Variants in PCSK5 observed in about 807,000 individuals in gnomAD.
The protein encoded by PCSK5 is prohormone convertase 5.
In PCSK5, 129 loss-of-function variants were observed where a neutral mutation model predicts 233.2. That is an observed-to-expected ratio of 0.55 (90% CI 0.48 to 0.64). The LOEUF (loss-of-function observed/expected upper bound fraction) is 0.64, where lower values mean the gene tolerates loss of function less well. Among genes scored for constraint, PCSK5 ranks in the 30% least tolerant of loss-of-function variants. The pLI is 0.00. For synonymous variants in PCSK5, 825 were observed against 879.2 expected (o/e 0.94, Z 1.09); for missense variants, 2,076 against 2,430.1 (o/e 0.85, Z 3.06).
intron 5 of PCSK5, among the ~76,000 whole-genome samples, chr9:76,038,362 A>C (rs554679462): frequency 6.6e-6 from 1 of 152,048 alleles, no homozygotes; most frequent in African/African-American, 2.4e-5. Context: ...CGGTCTTGGG[A>C]CCCGTTCATT....
In PCSK5 at chr9:76,024,894, G is replaced by A. The variant is rs192451302; in HGVS notation, c.555+1013G>A. The stretch of plus-strand genomic sequence containing the variant: ...AGGCAAACAAGCAAATCCAACTTTG[G>A]TTTTGGAGATACTGTTTCTTCATAT... On this transcript the variant is annotated intron_variant, in intron 4 of 37. Coordinates refer to ENST00000674117, the MANE Select transcript of PCSK5 (RefSeq NM_001372043.1). Among the ~76,000 whole-genome samples the A allele has an allele frequency of 1.3e-4, 20 of 152,248 alleles. No individual in the cohort carries two copies. The East Asian group carries it at 3.9e-3, about 29-fold the overall frequency.
At chr9:75,916,184 A>G (rs1412017192) in intron 1 of PCSK5, among the ~76,000 whole-genome samples, 2 of 152,224 alleles carry the variant, frequency 1.3e-5, no homozygotes, top group African/African-American at 4.8e-5. Context: ...AATTGAAAAT[A>G]TGACTCCAAG....
At chr9:76,200,562 C>G (rs1429684962) in intron 20 of PCSK5, among the ~76,000 whole-genome samples, 1 of 152,120 alleles carries the variant, frequency 6.6e-6, no homozygotes. Flanking sequence ...ACATGCCTTG[C>G]TTAAGAAATA....
Position 75,994,727 on chromosome 9 carries a change from T to C in PCSK5, c.411+8482T>C, listed in dbSNP as rs563206659. Among the ~76,000 whole-genome samples, 46 of 152,110 alleles carry C rather than the reference T, an allele frequency of 3.0e-4. No homozygotes were observed. In the South Asian group the frequency reaches 9.5e-3, roughly 32 times the overall value. ...GTGAGCCAGTGCGCCCGGCCCCACC[T>C]CCCAGTTTTTACTTCTGCACTCTTC... On this transcript the variant is annotated intron_variant, in intron 3 of 37. Transcript: ENST00000674117.
Position 76,087,539 on chromosome 9 carries a change from G to C in PCSK5, c.895-8351G>C, listed in dbSNP as rs1831114681. On this transcript the variant is annotated intron_variant, in intron 7 of 37. Transcript: ENST00000674117. ...GATATGAACAATATCATGACTAAAA[G>C]TAGCTTATAAATGGCACTTAAAATT... Among the ~76,000 whole-genome samples the C allele has an allele frequency of 5.9e-5, 9 of 152,110 alleles. No homozygotes were observed. The South Asian group carries it at 1.9e-3, about 32-fold the overall frequency.
chr9:75,944,184 AAT>A (rs550077228), intron 2 of PCSK5, among the ~76,000 whole-genome samples: 4 of 149,466 alleles, frequency 2.7e-5, no homozygotes, highest in African/African-American at 7.3e-5. Flanking sequence ...AAAGAAAAAA[AAT>A]ATATATATAT....
intron 24 of PCSK5, among the ~76,000 whole-genome samples, chr9:76,272,281 A>C (rs1827538684): frequency 6.6e-6 from 1 of 152,042 alleles, no homozygotes; most frequent in Non-Finnish European, 1.5e-5. Context: ...CAACAACTAT[A>C]CTTTAGTTCA....
chr9:76,100,193 C>G (rs560750602), intron 8 of PCSK5, among the ~76,000 whole-genome samples: 4 of 152,000 alleles, frequency 2.6e-5, no homozygotes, highest in African/African-American at 9.7e-5. Context: ...GCAAAGGAAG[C>G]GTTCAAAGTA....
intron 20 of PCSK5, among the ~76,000 whole-genome samples, chr9:76,204,409 A>G (rs1343579841): frequency 1.3e-5 from 2 of 151,620 alleles, no homozygotes; most frequent in African/African-American, 2.4e-5. Flanking sequence ...ACCCATCTCA[A>G]TTTCATTTTT....
At chr9:76,229,575 T>C (rs1826011113) in intron 21 of PCSK5, among the ~76,000 whole-genome samples, 1 of 152,244 alleles carries the variant, frequency 6.6e-6, no homozygotes, top group Admixed American at 6.5e-5. Flanking sequence ...TTGTATTTGA[T>C]CTATTTCAAT....
At chr9:76,238,275 T>G (rs894567658) in intron 22 of PCSK5, among the ~76,000 whole-genome samples, 5 of 152,234 alleles carry the variant, frequency 3.3e-5, no homozygotes, top group Non-Finnish European at 5.9e-5. Flanking sequence ...TTAGACTTTT[T>G]CATTCCCTCC....
chr9:75,974,755 C>T (rs901399163), intron 2 of PCSK5, among the ~76,000 whole-genome samples: 3 of 152,208 alleles, frequency 2.0e-5, no homozygotes, highest in Non-Finnish European at 2.9e-5. Context: ...TGCGGGTCTT[C>T]ATTCACACTC....
At chr9:76,194,699 T>G (rs1370221226) in intron 20 of PCSK5, 1 of 457,550 alleles carries the variant, frequency 2.2e-6, no homozygotes, top group Non-Finnish European at 4.5e-6. Context: ...ACTATTTGGA[T>G]TAGTGGCCAG....
In PCSK5 at chr9:76,096,166, G is replaced by A. The variant is rs1831498732; in HGVS notation, c.1107+64G>A. ...TAATGTTCACTTTGAAATACAAAGG[G>A]AGAACCATAAACATATATATATATA... is the stretch of plus-strand genomic sequence containing the variant. On this transcript the variant is annotated intron_variant, in intron 8 of 37. Coordinates refer to ENST00000674117, the MANE Select transcript of PCSK5 (RefSeq NM_001372043.1). The A allele has an allele frequency of 6.0e-6, 6 of 996,398 alleles. No individual in the cohort carries two copies. In the East Asian group the frequency reaches 7.6e-5, roughly 13 times the overall value. The allele number at this position is 996,398 out of a possible 1,614,324, so 61.7% of individuals were successfully genotyped here.
chr9:76,127,861 G>A (rs772404766), intron 9 of PCSK5, among the ~76,000 whole-genome samples: 4 of 132,462 alleles, frequency 3.0e-5, no homozygotes, highest in Non-Finnish European at 6.8e-5. Flanking sequence ...TCCACATTGC[G>A]GCTGAGGAAA....
chr9:76,216,489 C>T (rs1825537921), intron 20 of PCSK5, among the ~76,000 whole-genome samples: 1 of 152,150 alleles, frequency 6.6e-6, no homozygotes, highest in Admixed American at 6.5e-5. Context: ...CAGTGAGTGT[C>T]ACAAACAATA....
chr9:75,998,876 A>G (rs1021034953), intron 3 of PCSK5, among the ~76,000 whole-genome samples: 1 of 152,180 alleles, frequency 6.6e-6, no homozygotes, highest in African/African-American at 2.4e-5. Flanking sequence ...TCTGTTTAAG[A>G]TATGAACTAC....
chr9:76,086,657 G>A lies in PCSK5; in HGVS notation c.895-9233G>A, dbSNP rs1831076195. On this transcript the variant is annotated intron_variant, in intron 7 of 37. Coordinates refer to ENST00000674117, the MANE Select transcript of PCSK5 (RefSeq NM_001372043.1). The stretch of plus-strand genomic sequence containing the variant: ...TCTCGAATCCACTATTGTTAAGCAT[G>A]TTTTCCTAAAGAAGTTGTTAAGCAT... 2.0e-5 allele frequency among the ~76,000 whole-genome samples: 3 copies of A among 152,264 alleles called. 1 individual carries two copies. Among genetic ancestry groups the A allele is most frequent in the South Asian group, 4.2e-4 (2 of 4,812 alleles).
intron 21 of PCSK5, among the ~76,000 whole-genome samples, chr9:76,231,416 A>G (rs939496165): frequency 1.3e-5 from 2 of 152,206 alleles, no homozygotes; most frequent in Non-Finnish European, 2.9e-5. Context: ...AGTGCCAAAA[A>G]GGCCGGGGAC....
Sources: allele counts gnomAD v4.1 joint callset (sites outside exome capture counted in the v4.1 genomes callset), GRCh38; gene constraint gnomAD v4.1.1; transcripts MANE v1.5; gene names NCBI Gene and HGNC (gene_info 2026-07-23, HGNC 2026-07-21).